The following PALS2 variants were observed in gnomAD, a reference collection of about 807,000 sequenced individuals.
The protein encoded by PALS2 is protein associated with LIN7 2, MAGUK p55 family member.
Under a neutral mutation model 61.6 loss-of-function variants are expected in PALS2, and 27 were observed. The observed-to-expected ratio is 0.44, with a 90% CI of 0.32 to 0.60. The LOEUF is 0.60. PALS2 is among the 20% of genes least tolerant of loss of function. The probability of loss-of-function intolerance (pLI) is 0.05; values close to 1 mark genes in which losing one functional copy is unlikely to be tolerated. For missense variants in PALS2, 554 were observed against 639.4 expected (o/e 0.87, Z 1.44); for synonymous variants, 236 against 218.6 (o/e 1.08, Z -0.70).
chr7:24,668,304 T>C (rs886620864), intron 8 of PALS2, among the ~76,000 whole-genome samples, 195 bp from the exon 9 acceptor site: 1 of 152,088 alleles, frequency 6.6e-6, no homozygotes, highest in African/African-American at 2.4e-5. Context: ...TGAGCCCCGG[T>C]CTTAAAAACA....
At chr7:24,672,394 A>AT (rs1177062768) in intron 9 of PALS2, among the ~76,000 whole-genome samples, 12 of 150,874 alleles carry the variant, frequency 8.0e-5, no homozygotes, top group Non-Finnish European at 1.8e-4. Context: ...TGCCTGGCTA[A>AT]TTTTTTTTGT....
chr7:24,653,677 A>T (rs545599557), intron 5 of PALS2, among the ~76,000 whole-genome samples: 6 of 152,338 alleles, frequency 3.9e-5, no homozygotes, highest in Admixed American at 2.6e-4. Context: ...CTGTTAAAAC[A>T]GATGATAAAA....
At chr7:24,649,590 A>C (rs765056120) in intron 3 of PALS2, 22 bp from the exon 4 acceptor site, 5 of 1,524,098 alleles carry the variant, frequency 3.3e-6, no homozygotes, top group South Asian at 2.7e-5. Flanking sequence ...AAATAACCAC[A>C]GGCTATTTTG....
chr7:24,609,444 T>G (rs1562612147), intron 1 of PALS2, among the ~76,000 whole-genome samples: 1 of 152,052 alleles, frequency 6.6e-6, no homozygotes, highest in East Asian at 1.9e-4. Flanking sequence ...AGGCTTTGAG[T>G]GGAAGAACAG....
At chr7:24,617,629 A>G (rs181713808) in intron 1 of PALS2, among the ~76,000 whole-genome samples, 40 of 152,242 alleles carry the variant, frequency 2.6e-4, no homozygotes, top group African/African-American at 9.4e-4. Context: ...GCAGTAATCA[A>G]TTTTAGTGAT....
intron 1 of PALS2, among the ~76,000 whole-genome samples, chr7:24,609,561 G>A (rs1211157669): frequency 6.6e-6 from 1 of 152,050 alleles, no homozygotes; most frequent in African/African-American, 2.4e-5. Context: ...ATGAAAAAAG[G>A]AATTTTTTTC....
chr7:24,631,626 T>C (rs991038293), intron 2 of PALS2, among the ~76,000 whole-genome samples: 1 of 152,200 alleles, frequency 6.6e-6, no homozygotes, highest in Non-Finnish European at 1.5e-5. Context: ...CATTGCATGC[T>C]ATGGAGAAAT....
chr7:24,672,005 G>C (rs1787321774), intron 9 of PALS2, among the ~76,000 whole-genome samples: 1 of 151,068 alleles, frequency 6.6e-6, no homozygotes, highest in South Asian at 2.1e-4. Context: ...TTTTCAGCTT[G>C]TTTTGGCTCT....
At chr7:24,579,511 C>T in intron 1 of PALS2, among the ~76,000 whole-genome samples, 1 of 152,032 alleles carries the variant, frequency 6.6e-6, no homozygotes, top group East Asian at 1.9e-4. Flanking sequence ...GGCTTCCTCC[C>T]CCAAAAAGAG....
chr7:24,622,947 G>T, intron 1 of PALS2, among the ~76,000 whole-genome samples: 1 of 151,684 alleles, frequency 6.6e-6, no homozygotes, highest in East Asian at 1.9e-4. Context: ...ATTTGGTTTT[G>T]TTCTTGGTTT....
chr7:24,634,934 A>G (rs1409122577), intron 2 of PALS2, among the ~76,000 whole-genome samples: 3 of 152,166 alleles, frequency 2.0e-5, no homozygotes, highest in Admixed American at 6.5e-5. Context: ...CCATTGATCT[A>G]TAGATCTTTC....
At chr7:24,609,473 CA>C (rs1204919520) in intron 1 of PALS2, among the ~76,000 whole-genome samples, 6 of 152,080 alleles carry the variant, frequency 3.9e-5, no homozygotes, top group African/African-American at 1.4e-4. Flanking sequence ...AAAATGGCAC[CA>C]CCCCTAGAGT....
At chr7:24,663,502 A>G (rs1270130000) in intron 5 of PALS2, 88 bp from the exon 6 acceptor site, 1 of 1,279,072 alleles carries the variant, frequency 7.8e-7, no homozygotes, top group South Asian at 1.7e-5. Context: ...GTCAGTTACA[A>G]TTAAATCAGA....
intron 3 of PALS2, among the ~76,000 whole-genome samples, chr7:24,646,254 GC>G (rs1372678677): frequency 6.6e-6 from 1 of 152,118 alleles, no homozygotes. Flanking sequence ...AGTGCTTCCA[GC>G]TTTTGCCCAT....
intron 10 of PALS2, 138 bp from the exon 11 acceptor site, chr7:24,680,254 G>C: frequency 1.3e-6 from 1 of 779,384 alleles, no homozygotes; most frequent in Non-Finnish European, 1.9e-6. Context: ...GAATGAGAAG[G>C]ACAGAACAGG....
chr7:24,623,122 T>G (rs1784589447), intron 1 of PALS2, among the ~76,000 whole-genome samples: 1 of 151,946 alleles, frequency 6.6e-6, no homozygotes, highest in East Asian at 1.9e-4. Flanking sequence ...GGTAATTTTT[T>G]TGTGTGTGAT....
At position 24,618,188 on chromosome 7, in the gene PALS2, T is replaced by C. The variant is rs1244294631; in HGVS notation, c.-2-5478T>C. The stretch of plus-strand genomic sequence containing the variant: ...GGGGACATGTCAGCTGCTCAGTTGC[T>C]CAGGGACCTCTGCTGCTCAGGGGAG... On this transcript the variant is annotated intron_variant, in intron 1 of 11. Transcript: ENST00000222644. This position sits in a 1 kb window ranked among gnomAD's most constrained non-coding sequence, Gnocchi z 5.1. Among the ~76,000 whole-genome samples, 1 of 152,154 alleles carries C rather than the reference T, an allele frequency of 6.6e-6. No homozygotes were observed. Among genetic ancestry groups the C allele is most frequent in the African/African-American group, 2.4e-5 (1 of 41,436 alleles).
At chr7:24,610,088 C>T (rs554482534) in intron 1 of PALS2, among the ~76,000 whole-genome samples, 70 of 152,244 alleles carry the variant, frequency 4.6e-4, no homozygotes, top group African/African-American at 1.6e-3. Context: ...AAAGAGTTAA[C>T]TGCTTTCCCT....
chr7:24,652,780 G>C (rs1031631169), intron 5 of PALS2, among the ~76,000 whole-genome samples: 2 of 152,152 alleles, frequency 1.3e-5, no homozygotes, highest in Admixed American at 1.3e-4. Flanking sequence ...CTGGATTGCT[G>C]CAAGAGCAAA....
Sources: allele counts gnomAD v4.1 joint callset (sites outside exome capture counted in the v4.1 genomes callset), GRCh38; gene constraint gnomAD v4.1.1; non-coding constraint Gnocchi (gnomAD v3.1); transcripts MANE v1.5; gene names NCBI Gene and HGNC (gene_info 2026-07-23, HGNC 2026-07-21).